ARID2: variants seen among roughly 807,000 people sequenced by gnomAD.
The protein encoded by ARID2 is AT-rich interaction domain 2.
In ARID2, 32 loss-of-function variants were observed where a neutral mutation model predicts 184.6. That is an observed-to-expected ratio of 0.17 (90% CI 0.13 to 0.23). ARID2 has a LOEUF of 0.23. Among genes scored for constraint, ARID2 ranks in the 10% least tolerant of loss-of-function variants. The pLI is 1.00. For synonymous variants in ARID2, 836 were observed against 772.6 expected (o/e 1.08, Z -1.36); for missense variants, 1,696 against 2,197.6 (o/e 0.77, Z 4.56).
intron 16 of ARID2, among the ~76,000 whole-genome samples, chr12:45,889,705 C>T (rs1400893933): frequency 2.6e-5 from 4 of 152,204 alleles, no homozygotes; most frequent in African/African-American, 9.7e-5. Context: ...TTTGGAAGGC[C>T]GAGGCGGGTG....
chr12:45,813,329 A>G (rs901196971), intron 4 of ARID2, among the ~76,000 whole-genome samples: 3 of 152,128 alleles, frequency 2.0e-5, no homozygotes, highest in Non-Finnish European at 4.4e-5. Flanking sequence ...AGCCATAGCA[A>G]CATCATGACA....
At chr12:45,860,682 A>G (rs1943727405) in intron 15 of ARID2, 119 bp from the exon 16 acceptor site, 1 of 909,810 alleles carries the variant, frequency 1.1e-6, no homozygotes, top group Non-Finnish European at 1.4e-6. Flanking sequence ...TTAAAATTAT[A>G]AAATGTAAAT....
intron 16 of ARID2, among the ~76,000 whole-genome samples, chr12:45,886,682 TC>T (rs1443932882): frequency 3.9e-5 from 6 of 152,214 alleles, no homozygotes. Flanking sequence ...AGGTGGAGGT[TC>T]CCAAACCTCA....
intron 15 of ARID2, among the ~76,000 whole-genome samples, chr12:45,857,697 G>A (rs1943673838): frequency 1.3e-5 from 2 of 152,044 alleles, no homozygotes; most frequent in Admixed American, 1.3e-4. Flanking sequence ...TTCTATTACT[G>A]TCTTAATTCT....
chr12:45,763,705 A>G (rs948999407), intron 3 of ARID2, among the ~76,000 whole-genome samples: 1 of 152,006 alleles, frequency 6.6e-6, no homozygotes, highest in African/African-American at 2.4e-5. Context: ...TGCTCAGACT[A>G]GTTTTCAGCT....
At chr12:45,827,309 A>G (rs1450537300) in intron 6 of ARID2, among the ~76,000 whole-genome samples, 2 of 152,122 alleles carry the variant, frequency 1.3e-5, no homozygotes, top group Admixed American at 6.6e-5. Flanking sequence ...TGTTTATGAC[A>G]TTTATCTGAT....
chr12:45,873,221 T>A (rs1943952543), intron 16 of ARID2, among the ~76,000 whole-genome samples: 1 of 152,234 alleles, frequency 6.6e-6, no homozygotes, highest in Non-Finnish European at 1.5e-5. Flanking sequence ...TTAGTGTTAA[T>A]ATAGTTTATC....
intron 3 of ARID2, among the ~76,000 whole-genome samples, chr12:45,798,779 T>G (rs1000777326): frequency 6.6e-6 from 1 of 152,152 alleles, no homozygotes; most frequent in Non-Finnish European, 1.5e-5. Flanking sequence ...GTTCTACTTA[T>G]ACCTGTAAAT....
chr12:45,764,043 C>T (rs1182596440), intron 3 of ARID2, among the ~76,000 whole-genome samples: 3 of 151,926 alleles, frequency 2.0e-5, no homozygotes, highest in African/African-American at 7.3e-5. Flanking sequence ...ATTCCTGCTT[C>T]CTTAAGCAGT....
At chr12:45,731,878 T>G (rs1941010173) in intron 3 of ARID2, among the ~76,000 whole-genome samples, 1 of 152,016 alleles carries the variant, frequency 6.6e-6, no homozygotes, top group Admixed American at 6.5e-5. Flanking sequence ...TCCAGTGACT[T>G]AAATTAGTAA....
intron 3 of ARID2, among the ~76,000 whole-genome samples, chr12:45,780,917 G>A (rs1444121810): frequency 6.6e-6 from 1 of 152,094 alleles, no homozygotes; most frequent in Non-Finnish European, 1.5e-5. Flanking sequence ...ACTGCGCCCG[G>A]CTGAAATTAT....
chr12:45,853,987 C>T (rs942390068), intron 15 of ARID2, among the ~76,000 whole-genome samples: 3 of 152,196 alleles, frequency 2.0e-5, no homozygotes, highest in Non-Finnish European at 4.4e-5. Context: ...GAAGCTTCAT[C>T]TGTATTTACT....
At chr12:45,874,519 A>C (rs967782685) in intron 16 of ARID2, among the ~76,000 whole-genome samples, 10 of 152,186 alleles carry the variant, frequency 6.6e-5, no homozygotes, top group Non-Finnish European at 1.5e-4. Context: ...TCATCCATTC[A>C]AATTTTATCA....
At position 45,905,785 on chromosome 12, in the gene ARID2, A is replaced by G. The variant is rs1349221363; in HGVS notation, c.*707A>G. Reference sequence around the variant, plus strand: ...CCTAGAAGCATTATTGGTAGGTTCTAAAGTTTTCTAGACTTTCCTGTCAAT... The same window carrying G: ...CCTAGAAGCATTATTGGTAGGTTCTGAAGTTTTCTAGACTTTCCTGTCAAT... On this transcript the variant is annotated 3_prime_UTR_variant, in exon 21 of 21. Transcript: ENST00000334344. 4.7e-5 allele frequency: 11 copies of G among 232,966 alleles called. No individual in the cohort carries two copies. The highest frequency in any genetic ancestry group is 1.2e-3 in the Middle Eastern group (1 of 804). 14.4% of individuals were successfully genotyped at this position (232,966 alleles called of 1,614,324 possible).
chr12:45,855,716 C>G (rs950869826), intron 15 of ARID2, among the ~76,000 whole-genome samples: 7 of 152,094 alleles, frequency 4.6e-5, no homozygotes, highest in Non-Finnish European at 1.0e-4. Flanking sequence ...CTTTTAATTT[C>G]TTTCTTTTTT....
rs113019517 is a variant in ARID2, at chr12:45,871,847, G to A, written c.4922+10898G>A. Among the ~76,000 whole-genome samples the A allele has an allele frequency of 8.1e-3, 1,230 of 152,270 alleles. 10 individuals are homozygous for A. The highest frequency in any genetic ancestry group is 0.02 in the Middle Eastern group (6 of 294). ...CCTTGAGTGAGTTTTGGCAGATTGTGTCTTTCAGGGAATTGGCCGATTTCA... is the reference window on the plus strand; with the variant it reads ...CCTTGAGTGAGTTTTGGCAGATTGTATCTTTCAGGGAATTGGCCGATTTCA... On this transcript the variant is annotated intron_variant, in intron 16 of 20. Transcript: ENST00000334344.
At chr12:45,904,178 G>T (rs1411757908) in intron 20 of ARID2, among the ~76,000 whole-genome samples, 1 of 152,100 alleles carries the variant, frequency 6.6e-6, no homozygotes, top group Admixed American at 6.6e-5. Flanking sequence ...GGCTAATGGG[G>T]CATTTAGGAT....
chr12:45,850,038 A>G lies in ARID2; in HGVS notation c.1915A>G (p.Ile639Val). 1 of 1,581,950 alleles carries G rather than the reference A, an allele frequency of 6.3e-7. No homozygotes were observed. The change falls in exon 15 of 21, where the codon ATC (isoleucine) becomes GTC (valine). Residue 639 changes from isoleucine (I) to valine (V), a missense_variant and splice_region_variant. Around this residue, in one of 11 missense-constraint regions of ARID2, gnomAD observed 713 missense variants for 824.4 expected, o/e 0.86. Coordinates refer to ENST00000334344, the MANE Select transcript of ARID2 (RefSeq NM_152641.4). The stretch of plus-strand genomic sequence containing the variant: ...TGACGTTTTCTTCATATTTTCAGGA[A>G]TCCCTCATGGATCACAAACCATAGG... Reference protein sequence around the residue: ...DVSPAPSPAGIPHGSQTIGNH... With the variant: ...DVSPAPSPAGVPHGSQTIGNH...
intron 16 of ARID2, among the ~76,000 whole-genome samples, chr12:45,862,220 A>T (rs934482196): frequency 2.6e-5 from 4 of 152,158 alleles, no homozygotes; most frequent in African/African-American, 7.2e-5. Context: ...ATAGTTCACC[A>T]TGTTAGCAAG....
Sources: gnomAD v4.1 joint callset for allele counts (sites outside exome capture counted in the v4.1 genomes callset) on GRCh38, gnomAD v4.1.1 for gene constraint, gnomAD v4.1.1 regional missense constraint, MANE v1.5 for transcripts, NCBI Gene and HGNC (gene_info 2026-07-23, HGNC 2026-07-21) for gene names.